Variants in PASD1 observed in about 807,000 individuals in gnomAD.
PASD1 encodes circadian clock protein PASD1.
Under a neutral mutation model 58.8 loss-of-function variants are expected in PASD1, and 13 were observed. The ratio of observed to expected loss-of-function variants is 0.22; its 90% CI spans 0.14 to 0.35. The LOEUF is 0.35. Among genes scored for constraint, PASD1 ranks in the 10% least tolerant of loss-of-function variants. The pLI is 1.00. For synonymous variants in PASD1, 236 were observed against 216.7 expected (o/e 1.09, Z -0.78); for missense variants, 734 against 568.3 (o/e 1.29, Z -2.96).
chrX:151,639,747 T>C (rs2013975917), intron 8 of PASD1, among the ~76,000 whole-genome samples: 1 of 111,724 alleles, frequency 9.0e-6, no homozygotes, highest in African/African-American at 3.3e-5. Flanking sequence ...GAGAGTGGGA[T>C]TGCATTCAGC....
intron 2 of PASD1, among the ~76,000 whole-genome samples, chrX:151,602,423 G>A (rs1314319347): frequency 1.8e-5 from 2 of 111,285 alleles, no homozygotes; most frequent in Non-Finnish European, 3.8e-5. Flanking sequence ...GGCTGGGCAC[G>A]CTGGCTCACA....
intron 8 of PASD1, among the ~76,000 whole-genome samples, chrX:151,643,708 G>T (rs1265177838): frequency 1.8e-5 from 2 of 112,230 alleles, no homozygotes; most frequent in Non-Finnish European, 3.8e-5. Context: ...CCCTAGTGGT[G>T]ACACAACTAT....
chrX:151,612,978 T>A (rs1479726927), intron 4 of PASD1, among the ~76,000 whole-genome samples: 3 of 111,921 alleles, frequency 2.7e-5, no homozygotes, highest in Non-Finnish European at 3.8e-5. Context: ...TTAAACCATC[T>A]TGAATTAATT....
intron 1 of PASD1, among the ~76,000 whole-genome samples, chrX:151,575,545 C>CT (rs1199610889): frequency 8.9e-6 from 1 of 111,898 alleles, no homozygotes; most frequent in African/African-American, 3.2e-5. Context: ...TTGTACTTAC[C>CT]TTTTTATATT....
intron 8 of PASD1, among the ~76,000 whole-genome samples, chrX:151,629,111 T>C (rs1332969027): frequency 1.8e-5 from 2 of 111,273 alleles, no homozygotes; most frequent in African/African-American, 6.6e-5. Context: ...CAGCAAAGTC[T>C]CAGGATATTT....
chrX:151,658,250 A>T (rs1013574130), intron 9 of PASD1, among the ~76,000 whole-genome samples: 2 of 112,110 alleles, frequency 1.8e-5, no homozygotes, highest in Admixed American at 9.5e-5. Flanking sequence ...TTTTCTTCCT[A>T]TCTCCATGCA....
chrX:151,674,197 G>T lies in PASD1; in HGVS notation c.2175+11G>T. On this transcript the variant is annotated intron_variant, in intron 15 of 15. Transcript: ENST00000370357. ...CCCACCTACCATCAGGTATGGGACA[G>T]CCCCCTCCTTTTCCTTCCAGCGCAG... 1.7e-6 allele frequency: 2 copies of T among 1,210,327 alleles called. No homozygotes were observed. Among genetic ancestry groups the T allele is most frequent in the Non-Finnish European group, 2.2e-6 (2 of 894,471 alleles).
chrX:151,675,420 TCCCTGTGTCTTCTCCGCC>T (rs2014532182), intron 15 of PASD1, among the ~76,000 whole-genome samples: 2 of 111,891 alleles, frequency 1.8e-5, no homozygotes, highest in Non-Finnish European at 3.8e-5. Flanking sequence ...CTCCTTTTGC[TCCCTGTGTCTTCTCCGCC>T]CCCTTGGGTT....
intron 4 of PASD1, among the ~76,000 whole-genome samples, chrX:151,617,343 A>C (rs2013650149): frequency 9.0e-6 from 1 of 111,425 alleles, no homozygotes; most frequent in Admixed American, 9.6e-5. Flanking sequence ...TATTGTCACT[A>C]TTCCTATCCC....
At chrX:151,613,107 T>C in intron 4 of PASD1, among the ~76,000 whole-genome samples, 1 of 112,177 alleles carries the variant, frequency 8.9e-6, no homozygotes, top group East Asian at 2.8e-4. Flanking sequence ...TTGTCAGGTT[T>C]GTCAAAGATC....
chrX:151,578,838 T>G (rs922408731), intron 1 of PASD1, among the ~76,000 whole-genome samples: 3 of 111,831 alleles, frequency 2.7e-5, no homozygotes, highest in Non-Finnish European at 3.8e-5. Flanking sequence ...GAACAAAAAG[T>G]CTCCTCCCCT....
intron 1 of PASD1, among the ~76,000 whole-genome samples, chrX:151,600,753 C>T (rs1359768809): frequency 9.0e-6 from 1 of 111,555 alleles, no homozygotes; most frequent in Non-Finnish European, 1.9e-5. Flanking sequence ...AGTTTCACTT[C>T]CCTGTTCAGG....
rs1453025438 is a variant in PASD1, at chrX:151,671,055, A to G, written c.1089A>G (p.Ser363=). 13 of 1,209,426 alleles carry G rather than the reference A, an allele frequency of 1.1e-5. No homozygotes were observed. The highest frequency in any genetic ancestry group is 1.3e-5 in the Non-Finnish European group (12 of 894,901). ...CCCCACAGCCATTACAGCCATCATC[A>G]CCAGTTGCATATGACATCATTAGCC... is the stretch of plus-strand genomic sequence containing the variant. ...GASAQPLQPS[S]PVAYDIISQE... Residue 363 remains serine (S), a synonymous_variant, in exon 12 of 16, where the codon TCA becomes TCG. Transcript: ENST00000370357.
intron 1 of PASD1, among the ~76,000 whole-genome samples, chrX:151,577,762 G>A (rs766951261): frequency 5.4e-5 from 6 of 111,448 alleles, no homozygotes; most frequent in East Asian, 5.7e-4. Context: ...TCCTGACCTC[G>A]TGATCTGCCC....
intron 3 of PASD1, among the ~76,000 whole-genome samples, chrX:151,605,131 A>T (rs2013471654): frequency 8.9e-6 from 1 of 111,750 alleles, no homozygotes; most frequent in Non-Finnish European, 1.9e-5. Flanking sequence ...TTCTGTCTCC[A>T]AGAGAACTGG....
chrX:151,618,240 C>T (rs1283554827), intron 4 of PASD1, among the ~76,000 whole-genome samples: 1 of 111,169 alleles, frequency 9.0e-6, no homozygotes, highest in Admixed American at 9.6e-5. Context: ...GATCATTGAC[C>T]AGTTCATAGG....
intron 11 of PASD1, among the ~76,000 whole-genome samples, chrX:151,667,617 G>C (rs183969046): frequency 0.013 from 1,440 of 112,025 alleles, 18 homozygotes; most frequent in African/African-American, 0.045. Flanking sequence ...AGTTTTCCCA[G>C]CACCATTTGT....
intron 1 of PASD1, among the ~76,000 whole-genome samples, chrX:151,567,692 A>T (rs191494547): frequency 2.2e-4 from 24 of 111,422 alleles, no homozygotes; most frequent in African/African-American, 7.8e-4. Flanking sequence ...CTCTTAAAAG[A>T]CGAGATCTAA....
At chrX:151,653,751 C>CT (rs2014170593) in intron 9 of PASD1, among the ~76,000 whole-genome samples, 1 of 16,955 alleles carries the variant, frequency 5.9e-5, no homozygotes, top group Admixed American at 5.6e-4. Flanking sequence ...TCTTTCCTTC[C>CT]TTCTTTCTTT....
Sources: allele counts gnomAD v4.1 joint callset (sites outside exome capture counted in the v4.1 genomes callset), GRCh38; gene constraint gnomAD v4.1.1; transcripts MANE v1.5; gene names NCBI Gene and HGNC (gene_info 2026-07-23, HGNC 2026-07-21).